SACS: variants seen among roughly 807,000 people sequenced by gnomAD.
SACS encodes sacsin molecular chaperone.
SACS carries 197 observed loss-of-function variants against 348.0 expected under a neutral mutation model. The ratio of observed to expected loss-of-function variants is 0.57; its 90% CI spans 0.50 to 0.64. The LOEUF (loss-of-function observed/expected upper bound fraction) is 0.64. Ranked by LOEUF, SACS falls within the 30% of genes least tolerant of loss-of-function variation. SACS has a pLI of 0.00. For synonymous variants in SACS, 1,985 were observed against 1,910.6 expected (o/e 1.04, Z -1.02); for missense variants, 4,999 against 5,360.8 (o/e 0.93, Z 2.11).
At chr13:23,345,543 A>G (rs1276865837) in intron 9 of SACS, among the ~76,000 whole-genome samples, 1 of 152,222 alleles carries the variant, frequency 6.6e-6, no homozygotes, top group African/African-American at 2.4e-5. Flanking sequence ...GTAACCAGAC[A>G]GTACCAGGGC....
chr13:23,342,697 T>C (rs1869346733), intron 9 of SACS, among the ~76,000 whole-genome samples: 1 of 152,232 alleles, frequency 6.6e-6, no homozygotes, highest in African/African-American at 2.4e-5. Context: ...ACTTCAAGTT[T>C]CCAGGAGCCA....
chr13:23,359,181 CA>C (rs199715623), intron 6 of SACS, among the ~76,000 whole-genome samples: 8 of 146,336 alleles, frequency 5.5e-5, no homozygotes, highest in Non-Finnish European at 1.2e-4. Flanking sequence ...GATTCCGTCT[CA>C]AAAAAAAAGA....
Position 23,375,243 on chromosome 13 carries a change from C to T in SACS, c.47G>A (p.Gly16Asp). The T allele has an allele frequency of 1.4e-6, 2 of 1,481,258 alleles. No homozygotes were observed. The highest frequency in any genetic ancestry group is 1.8e-6 in the Non-Finnish European group (2 of 1,113,336). 91.8% of individuals were successfully genotyped at this position (1,481,258 alleles called of 1,614,324 possible). A position where few individuals can be genotyped will look rare whatever the true frequency, so the allele number is the denominator to read the frequency against. Residue 16 changes from glycine to aspartate, a missense_variant, in exon 3 of 10, where the codon GGC (glycine) becomes GAC (aspartate). Around this residue, in one of 6 missense-constraint regions of SACS, gnomAD observed 3,156 missense variants for 3,380.1 expected, o/e 0.93. Transcript: ENST00000382292. Reference sequence around the variant, plus strand: ...CGCGACGGTCCTGCAGCCCACGCAGCCGGGGAGCACGGTCACCGGGACCCA... The same window carrying T: ...CGCGACGGTCCTGCAGCCCACGCAGTCGGGGAGCACGGTCACCGGGACCCA... ...NRWVPVTVLP[G>D]CVGCRTVAAL...
At chr13:23,427,270 C>T (rs4770446) in intron 1 of SACS, 123,031 of 152,234 alleles carry the variant, frequency 0.81, 49,846 homozygotes, top group East Asian at 0.92. Flanking sequence ...GTTCATGATA[C>T]TCTCTGCCCA....
Position 23,337,638 on chromosome 13 carries a change from C to A in SACS, c.6238G>T (p.Val2080Phe), listed in dbSNP as rs759769166. ...AACTCATCAACTTTTTCATTTAGAA[C>A]AAAGATCATTAAAGGATCTCTAAGT... is the stretch of plus-strand genomic sequence containing the variant. ...AELRDPLMIF[V>F]LNEKVDEFSG... The change falls in exon 10 of 10, where the codon GTT becomes TTT. Residue 2080 changes from valine (V) to phenylalanine (F), a missense_variant. Physicochemically the swap from Val to Phe is conservative, Grantham distance 50. Around this residue, in one of 6 missense-constraint regions of SACS, gnomAD observed 3,156 missense variants for 3,380.1 expected, o/e 0.93. Transcript: ENST00000382292. 1 of 1,613,712 alleles carries A rather than the reference C, an allele frequency of 6.2e-7. No individual in the cohort carries two copies. The highest frequency in any genetic ancestry group is 1.7e-5 in the Admixed American group (1 of 60,008).
At chr13:23,353,315 A>C (rs992474737) in intron 9 of SACS, among the ~76,000 whole-genome samples, 1 of 152,082 alleles carries the variant, frequency 6.6e-6, no homozygotes, top group Non-Finnish European at 1.5e-5. Context: ...ACTACATAAA[A>C]CCATGGAGGG....
At chr13:23,369,086 C>G (rs1178261287) in intron 4 of SACS, among the ~76,000 whole-genome samples, 4 of 152,144 alleles carry the variant, frequency 2.6e-5, no homozygotes, top group African/African-American at 9.7e-5. Context: ...AAGCATGGTG[C>G]AGTGGGGAGG....
At chr13:23,354,429 C>A (rs1046473862) in intron 8 of SACS, 90 bp downstream of exon 8, 3 of 1,122,778 alleles carry the variant, frequency 2.7e-6, no homozygotes, top group East Asian at 4.8e-5. Context: ...ACATAGAAAA[C>A]CATTGAATTT....
chr13:23,408,402 A>G (rs1190245228), intron 2 of SACS, among the ~76,000 whole-genome samples: 1 of 152,258 alleles, frequency 6.6e-6, no homozygotes, highest in African/African-American at 2.4e-5. Context: ...GCAGCTTTCA[A>G]CAAATGAGAT....
intron 9 of SACS, 185 bp downstream of exon 9, chr13:23,353,600 A>G: frequency 1.8e-6 from 1 of 559,216 alleles, no homozygotes; most frequent in Admixed American, 3.2e-5. Flanking sequence ...TCACCTCTGG[A>G]TTCTTTTAGA....
intron 1 of SACS, among the ~76,000 whole-genome samples, chr13:23,426,141 G>T (rs1048565981): frequency 6.6e-6 from 1 of 152,074 alleles, no homozygotes; most frequent in African/African-American, 2.4e-5. Flanking sequence ...TATTCCCCAC[G>T]ACTGAGTGCC....
Position 23,365,194 on chromosome 13 carries a change from AAG to A in SACS, c.427_428del (p.Trp144ValfsTer39). ...YDETQYGTET[L>X]WSKDMAPYQG... ...GATATGGCGCCATATCTTTTGACCA[AAG>A]AGTCTCTGTTCCGTATTGAGTTTCA... On this transcript the variant is annotated frameshift_variant, in exon 6 of 10. Coordinates refer to ENST00000382292, the MANE Select transcript of SACS (RefSeq NM_014363.6). LOFTEE classifies it high-confidence loss of function. The A allele has an allele frequency of 3.7e-6, 6 of 1,612,488 alleles. No homozygotes were observed. Among genetic ancestry groups the A allele is most frequent in the Non-Finnish European group, 4.2e-6 (5 of 1,179,252 alleles).
At chr13:23,375,546 G>T in intron 2 of SACS, 8 of 1,061,846 alleles carry the variant, frequency 7.5e-6, no homozygotes, top group African/African-American at 1.7e-5. Flanking sequence ...AGGAGCAGGC[G>T]GGGGCGGGGA....
chr13:23,393,551 A>G (rs8001909), intron 2 of SACS, among the ~76,000 whole-genome samples: 106,754 of 151,828 alleles, frequency 0.7, 37,727 homozygotes, highest in African/African-American at 0.74. Context: ...TGTTCTGCCT[A>G]CTCTCCTGAA....
chr13:23,366,035 T>C (rs983813804), intron 5 of SACS, among the ~76,000 whole-genome samples: 4 of 152,270 alleles, frequency 2.6e-5, no homozygotes, highest in African/African-American at 9.6e-5. Flanking sequence ...CCGTTCAGTT[T>C]GAAGGGAGCT....
chr13:23,336,998 A>G lies in SACS; in HGVS notation c.6878T>C (p.Val2293Ala), dbSNP rs1032435635. The change falls in exon 10 of 10, where the codon GTT (valine) becomes GCT (alanine). Residue 2293 changes from valine (V) to alanine (A), a missense_variant. Transcript: ENST00000382292. The part of the protein sequence containing the change: ...GLLKKPTVDL[V>A]INQLKEVAKS... ...TGCTACTTCTTTCAATTGGTTTATA[A>G]CCAGATCAACTGTTGGCTTCTTGAG... 3.7e-6 allele frequency: 6 copies of G among 1,613,880 alleles called. No homozygotes were observed. The Admixed American group carries it at 8.3e-5, about 22-fold the overall frequency.
intron 2 of SACS, among the ~76,000 whole-genome samples, chr13:23,381,853 TATC>T (rs1378342156): frequency 2.6e-5 from 4 of 152,242 alleles, no homozygotes; most frequent in Non-Finnish European, 5.9e-5. Flanking sequence ...TTCAATGGGT[TATC>T]ATTACTTTAT....
At position 23,340,306 on chromosome 13, in the gene SACS, G is replaced by A. The variant is rs1164841146; in HGVS notation, c.3570C>T (p.Gly1190=). The A allele has an allele frequency of 6.2e-7, 1 of 1,613,918 alleles. No individual in the cohort carries two copies. Among genetic ancestry groups the A allele is most frequent in the Middle Eastern group, 1.6e-4 (1 of 6,062 alleles). Reference sequence around the variant, plus strand: ...GTGAGGAGCCAATGAGAATTGCATGGCCTACATCACACATATCTGGTGGTG... The same window carrying A: ...GTGAGGAGCCAATGAGAATTGCATGACCTACATCACACATATCTGGTGGTG... ...LCAPPDMCDV[G]HAILIGSSLP... Residue 1190 remains glycine (G), a synonymous_variant, in exon 10 of 10, where the codon GGC becomes GGT. Transcript: ENST00000382292.
rs769237773 is a variant in SACS, at chr13:23,340,956, T to C, written c.2920A>G (p.Thr974Ala). 2 of 1,613,942 alleles carry C rather than the reference T, an allele frequency of 1.2e-6. No homozygotes were observed. Among genetic ancestry groups the C allele is most frequent in the Non-Finnish European group, 1.7e-6 (2 of 1,179,910 alleles). The change falls in exon 10 of 10, where the codon ACT becomes GCT. Residue 974 changes from threonine (T) to alanine (A), a missense_variant. Around this residue, in one of 6 missense-constraint regions of SACS, gnomAD observed 3,156 missense variants for 3,380.1 expected, o/e 0.93. Coordinates refer to ENST00000382292, the MANE Select transcript of SACS (RefSeq NM_014363.6). ...ISVIDSSDEA[T>A]IRLANMLKIE... ...TTCAACATGTTTGCCAGACGAATAG[T>C]AGCTTCATCACTACTGTCTATTACT...
Sources: allele counts gnomAD v4.1 joint callset (sites outside exome capture counted in the v4.1 genomes callset), GRCh38; gene constraint gnomAD v4.1.1; regional missense constraint gnomAD v4.1.1; transcripts MANE v1.5; gene names NCBI Gene and HGNC (gene_info 2026-07-23, HGNC 2026-07-21).